Variants in CNTN5 observed in about 807,000 individuals in gnomAD.
The protein encoded by CNTN5 is contactin-5.
CNTN5 carries 77 observed loss-of-function variants against 129.1 expected under a neutral mutation model. The ratio of observed to expected loss-of-function variants is 0.60; its 90% CI spans 0.50 to 0.72. CNTN5 has a LOEUF of 0.72. Among genes scored for constraint, CNTN5 ranks in the 30% least tolerant of loss-of-function variants. CNTN5 has a pLI of 0.00. For missense variants in CNTN5, 1,478 were observed against 1,328.8 expected (o/e 1.11, Z -1.75); for synonymous variants, 509 against 465.6 (o/e 1.09, Z -1.20).
intron 1 of CNTN5, among the ~76,000 whole-genome samples, chr11:99,195,146 TTTTA>T (rs1037850424): frequency 1.3e-5 from 2 of 152,156 alleles, no homozygotes; most frequent in Admixed American, 6.5e-5. Flanking sequence ...AAGGATTATA[TTTTA>T]TTTATTTATT....
intron 24 of CNTN5, among the ~76,000 whole-genome samples, chr11:100,354,099 C>A (rs1023627335): frequency 9.2e-5 from 14 of 151,522 alleles, no homozygotes; most frequent in Non-Finnish European, 1.9e-4. Context: ...AGTTTACAGC[C>A]TTTCTAAGCC....
chr11:99,411,377 G>A (rs532116060), intron 2 of CNTN5, among the ~76,000 whole-genome samples: 87 of 152,108 alleles, frequency 5.7e-4, no homozygotes, highest in Non-Finnish European at 9.6e-4. Flanking sequence ...AAAATTATAT[G>A]GGTGTGGTGG....
chr11:99,689,155 G>T (rs1591482510), intron 3 of CNTN5, among the ~76,000 whole-genome samples: 1 of 152,076 alleles, frequency 6.6e-6, no homozygotes, highest in African/African-American at 2.4e-5. Context: ...TGGTATTTCT[G>T]CTTCTAGGTT....
chr11:99,754,091 G>C (rs1046446312), intron 3 of CNTN5, among the ~76,000 whole-genome samples: 2 of 152,124 alleles, frequency 1.3e-5, no homozygotes, highest in Non-Finnish European at 2.9e-5. Context: ...CTATCGTTTA[G>C]GTCATAGGTA....
rs201127944 is a variant in CNTN5, at chr11:99,844,864, A to G, written c.290A>G (p.Tyr97Cys). The G allele has an allele frequency of 9.3e-6, 15 of 1,613,238 alleles. No individual in the cohort carries two copies. The highest frequency in any genetic ancestry group is 1.3e-5 in the African/African-American group (1 of 74,924). The change falls in exon 5 of 25, where the codon TAT becomes TGT. Residue 97 changes from tyrosine (Y) to cysteine (C), a missense_variant. Tyr to Cys is a radical substitution (Grantham distance 194, BLOSUM62 -2). Transcript: ENST00000524871. ...TTTGTCTTTACAGAAAGTGTGGACT[A>G]TGGGCCAGTTTTTGTGCAAGAACCA... Reference protein sequence around the residue: ...DAFKQDESVDYGPVFVQEPDD... With the variant: ...DAFKQDESVDCGPVFVQEPDD...
intron 1 of CNTN5, among the ~76,000 whole-genome samples, chr11:99,111,914 A>T (rs963297896): frequency 2.6e-5 from 4 of 152,056 alleles, no homozygotes; most frequent in Non-Finnish European, 4.4e-5. Flanking sequence ...TTCAAAAAAG[A>T]TTACCAGCAA....
chr11:99,471,202 G>T (rs535146383), intron 2 of CNTN5, among the ~76,000 whole-genome samples: 2 of 150,994 alleles, frequency 1.3e-5, no homozygotes, highest in Non-Finnish European at 3.0e-5. Flanking sequence ...GCAATAAAAG[G>T]TAACACAATA....
intron 6 of CNTN5, among the ~76,000 whole-genome samples, chr11:99,880,417 G>T (rs1948741961): frequency 6.6e-6 from 1 of 152,036 alleles, no homozygotes; most frequent in Non-Finnish European, 1.5e-5. Flanking sequence ...GAGAATAACT[G>T]TTTCTACTCC....
At chr11:99,070,825 C>A (rs560188023) in intron 1 of CNTN5, among the ~76,000 whole-genome samples, 3 of 151,592 alleles carry the variant, frequency 2.0e-5, no homozygotes, top group Admixed American at 6.6e-5. Flanking sequence ...TAGAGAACAT[C>A]AAAAAGAAGT....
At chr11:99,731,036 A>C (rs193268157) in intron 3 of CNTN5, among the ~76,000 whole-genome samples, 1 of 152,304 alleles carries the variant, frequency 6.6e-6, no homozygotes, top group African/African-American at 2.4e-5. Context: ...GAGTAGAAAC[A>C]CATCCTCAAA....
chr11:100,255,821 G>C lies in CNTN5; in HGVS notation c.2067G>C (p.Leu689=). 6.2e-7 allele frequency: 1 copy of C among 1,613,916 alleles called. No individual in the cohort carries two copies. Among genetic ancestry groups the C allele is most frequent in the Non-Finnish European group, 8.5e-7 (1 of 1,179,872 alleles). The change falls in exon 17 of 25, where the codon CTG becomes CTC. Residue 689 remains leucine (L), a synonymous_variant. Coordinates refer to ENST00000524871, the MANE Select transcript of CNTN5 (RefSeq NM_014361.4). ...AAATAACCGAAAGTACGGCCACACT[G>C]TCCTGGAGCCCAGCAGCTGACAACC... ...VEEITESTAT[L]SWSPAADNHS...
intron 18 of CNTN5, among the ~76,000 whole-genome samples, chr11:100,278,850 T>C (rs908355932): frequency 4.0e-5 from 6 of 151,860 alleles, no homozygotes; most frequent in Non-Finnish European, 5.9e-5. Flanking sequence ...TGCTGAAAAA[T>C]AGTGGTGAAA....
At chr11:99,111,088 A>G (rs1448688681) in intron 1 of CNTN5, among the ~76,000 whole-genome samples, 1 of 152,142 alleles carries the variant, frequency 6.6e-6, no homozygotes, top group Non-Finnish European at 1.5e-5. Context: ...CCATGACTAG[A>G]TACATATTTT....
chr11:99,499,516 C>T (rs1029255867), intron 2 of CNTN5, among the ~76,000 whole-genome samples: 8 of 152,136 alleles, frequency 5.3e-5, no homozygotes, highest in Admixed American at 3.3e-4. Flanking sequence ...TTGTGCGTCC[C>T]GGCCTCCAGA....
At chr11:99,483,380 T>G (rs1335370255) in intron 2 of CNTN5, among the ~76,000 whole-genome samples, 2 of 152,012 alleles carry the variant, frequency 1.3e-5, no homozygotes, top group African/African-American at 4.8e-5. Context: ...CAACAATGTG[T>G]TTACTGGAGT....
chr11:99,658,514 T>C lies in CNTN5; in HGVS notation c.55+102245T>C, dbSNP rs1952465721. 3.3e-5 allele frequency among the ~76,000 whole-genome samples: 5 copies of C among 152,054 alleles called. No individual in the cohort carries two copies. The South Asian group carries it at 1.0e-3, about 31-fold the overall frequency. On this transcript the variant is annotated intron_variant, in intron 3 of 24. Coordinates refer to ENST00000524871, the MANE Select transcript of CNTN5 (RefSeq NM_014361.4). ...TACAGAGTATATAGTAAATATTTAC[T>C]CTTGCATCACATTTAACAATTAGGA... is the stretch of plus-strand genomic sequence containing the variant.
intron 6 of CNTN5, among the ~76,000 whole-genome samples, chr11:99,870,376 T>C (rs1344152115): frequency 6.6e-6 from 1 of 152,142 alleles, no homozygotes; most frequent in Non-Finnish European, 1.5e-5. Context: ...ACCATCAATA[T>C]ATTTGACAAT....
intron 8 of CNTN5, among the ~76,000 whole-genome samples, chr11:99,995,003 T>A (rs939656421): frequency 6.6e-6 from 1 of 152,186 alleles, no homozygotes; most frequent in African/African-American, 2.4e-5. Flanking sequence ...ACATTATTGA[T>A]AAAGAGAGAA....
intron 3 of CNTN5, among the ~76,000 whole-genome samples, chr11:99,587,856 C>T (rs867725720): frequency 6.6e-6 from 1 of 152,122 alleles, no homozygotes; most frequent in African/African-American, 2.4e-5. Flanking sequence ...TGGGTTCATG[C>T]TGAGTGACAT....
Sources: allele counts gnomAD v4.1 joint callset (sites outside exome capture counted in the v4.1 genomes callset), GRCh38; gene constraint gnomAD v4.1.1; transcripts MANE v1.5; gene names NCBI Gene and HGNC (gene_info 2026-07-23, HGNC 2026-07-21).